Variants in MAGT1 observed in about 807,000 individuals in gnomAD.
MAGT1 encodes magnesium transporter 1, also known as dolichyl-diphosphooligosaccharide--protein glycosyltransferase subunit MAGT1.
A neutral mutation model predicts 28.4 loss-of-function variants in MAGT1; 4 were observed. The ratio of observed to expected loss-of-function variants is 0.14; its 90% CI spans 0.07 to 0.32. The LOEUF (loss-of-function observed/expected upper bound fraction) is 0.32. Ranked by LOEUF, MAGT1 falls within the 10% of genes least tolerant of loss-of-function variation. MAGT1 has a pLI of 1.00. For synonymous variants in MAGT1, 89 were observed against 89.7 expected, an observed-to-expected ratio of 0.99 and a Z score of 0.04; for missense variants, 193 against 264.5, an observed-to-expected ratio of 0.73 and a Z score of 1.88.
At chrX:77,876,759 A>G (rs1254502398) in intron 1 of MAGT1, among the ~76,000 whole-genome samples, 1 of 111,963 alleles carries the variant, frequency 8.9e-6, no homozygotes, top group Non-Finnish European at 1.9e-5. Context: ...TCACGCCTGT[A>G]ATCCCAGCAC....
At chrX:77,870,390 C>CA (rs1165193919) in intron 3 of MAGT1, among the ~76,000 whole-genome samples, 3 of 109,144 alleles carry the variant, frequency 2.7e-5, no homozygotes, top group Non-Finnish European at 5.7e-5. Flanking sequence ...CCTGTTGCCC[C>CA]AAAACTATTG....
intron 7 of MAGT1, among the ~76,000 whole-genome samples, chrX:77,850,492 G>A (rs1361713315): frequency 4.6e-5 from 3 of 65,461 alleles, no homozygotes; most frequent in Non-Finnish European, 7.9e-5. Context: ...AAAGGGGGGG[G>A]GGGTGGGGAG....
intron 6 of MAGT1, 69 bp from the exon 7 acceptor site, chrX:77,854,033 C>T (rs2076975330): frequency 1.7e-5 from 14 of 816,409 alleles, no homozygotes; most frequent in East Asian, 3.1e-5. Flanking sequence ...AACCCTAAAA[C>T]GGGGTATTTT....
At chrX:77,852,564 C>G (rs1474774428) in intron 7 of MAGT1, among the ~76,000 whole-genome samples, 6 of 110,710 alleles carry the variant, frequency 5.4e-5, no homozygotes, top group Admixed American at 9.7e-5. Flanking sequence ...CTTTTGCAAT[C>G]AGAAAAAAAT....
intron 1 of MAGT1, among the ~76,000 whole-genome samples, chrX:77,882,480 G>A (rs181300106): frequency 1.8e-5 from 2 of 111,815 alleles, no homozygotes; most frequent in African/African-American, 6.5e-5. Context: ...TACATATTCT[G>A]TATGGGGCTG....
Position 77,867,184 on chromosome X carries a change from C to T in MAGT1, c.390+3624G>A, listed in dbSNP as rs1021018247. On this transcript the variant is annotated intron_variant, in intron 3 of 9. Coordinates refer to ENST00000618282, the MANE Select transcript of MAGT1 (RefSeq NM_001367916.1). ...TGATGAATTGGATCTGTTTAGGCAG[C>T]AGCAAAGTGAACCCCTTGGGCGGTT... Among the ~76,000 whole-genome samples, 16 of 67,015 alleles carry T rather than the reference C, an allele frequency of 2.4e-4. 4 individuals are homozygous for T. Among genetic ancestry groups the T allele is most frequent in the Non-Finnish European group, 6.1e-4 (15 of 24,754 alleles). The allele number at this position is 67,015 out of a possible 115,157, so 58.2% of individuals were successfully genotyped here.
intron 7 of MAGT1, among the ~76,000 whole-genome samples, chrX:77,845,000 G>C (rs1369931756): frequency 1.8e-5 from 2 of 110,969 alleles, no homozygotes; most frequent in African/African-American, 6.5e-5. Context: ...GGATATCCTT[G>C]TTAACCTTCT....
intron 7 of MAGT1, among the ~76,000 whole-genome samples, chrX:77,845,753 T>C (rs1215338658): frequency 3.6e-5 from 4 of 111,959 alleles, no homozygotes; most frequent in South Asian, 3.7e-4. Context: ...TTTAAGAATG[T>C]TGAATTTGGC....
intron 3 of MAGT1, among the ~76,000 whole-genome samples, chrX:77,861,321 G>A (rs1438587804): frequency 9.0e-6 from 1 of 111,169 alleles, no homozygotes; most frequent in Non-Finnish European, 1.9e-5. Flanking sequence ...AAACCACAAT[G>A]AGATACCACC....
In MAGT1 at chrX:77,830,830, A is replaced by C. The variant is rs781862038; in HGVS notation, c.967T>G (p.Ser323Ala). ...CTGTATGGGTAGCCATGATATTTAG[A>C]TCTAAAAATAGAGAGCATCCAACTG... ...FFSWMLSIFRSKYHGYPYSFL... is the reference protein window; with the variant it reads ...FFSWMLSIFRAKYHGYPYSFL... The change falls in exon 9 of 10, where the codon TCT (serine) becomes GCT (alanine). Residue 323 changes from serine to alanine, a missense_variant. Ser to Ala is a moderately conservative substitution (Grantham distance 99). Transcript: ENST00000618282. 2 of 1,155,621 alleles carry C rather than the reference A, an allele frequency of 1.7e-6. No homozygotes were observed. The highest frequency in any genetic ancestry group is 1.2e-6 in the Non-Finnish European group (1 of 857,573).
At chrX:77,892,428 C>T (rs1156577270) in intron 1 of MAGT1, among the ~76,000 whole-genome samples, 1 of 111,510 alleles carries the variant, frequency 9.0e-6, no homozygotes, top group Admixed American at 9.6e-5. Context: ...CTTTAGCAGC[C>T]TATATAAATT....
At chrX:77,846,079 G>A (rs886831822) in intron 7 of MAGT1, among the ~76,000 whole-genome samples, 13 of 111,832 alleles carry the variant, frequency 1.2e-4, no homozygotes, top group African/African-American at 3.6e-4. Context: ...CCAATCAGAC[G>A]TAGATTTGGT....
intron 3 of MAGT1, among the ~76,000 whole-genome samples, chrX:77,857,937 G>A (rs2076985399): frequency 9.0e-6 from 1 of 111,099 alleles, no homozygotes; most frequent in Non-Finnish European, 1.9e-5. Context: ...AATACAAAAT[G>A]GTGGCTATAT....
At chrX:77,868,733 T>A (rs1199822809) in intron 3 of MAGT1, 2 of 262,881 alleles carry the variant, frequency 7.6e-6, no homozygotes, top group Non-Finnish European at 1.4e-5. Flanking sequence ...GGCAGGAAAA[T>A]TGCTTGAACC....
chrX:77,851,364 CGT>C, intron 7 of MAGT1, among the ~76,000 whole-genome samples: 1 of 107,746 alleles, frequency 9.3e-6, no homozygotes, highest in Non-Finnish European at 1.9e-5. Context: ...TACAGGCGCC[CGT>C]CACCATGCCT....
intron 3 of MAGT1, among the ~76,000 whole-genome samples, chrX:77,865,707 A>C (rs2077007008): frequency 8.9e-6 from 1 of 112,240 alleles, no homozygotes; most frequent in Non-Finnish European, 1.9e-5. Context: ...ACAATACAAG[A>C]AAAGGAGTGA....
intron 3 of MAGT1, 68 bp from the exon 4 acceptor site, chrX:77,857,565 G>A: frequency 8.7e-7 from 1 of 1,143,799 alleles, no homozygotes; most frequent in African/African-American, 1.8e-5. Flanking sequence ...TTAACATCTT[G>A]AAATTTAGGC....
intron 8 of MAGT1, among the ~76,000 whole-genome samples, chrX:77,832,921 A>G (rs2076903391): frequency 9.1e-6 from 1 of 109,883 alleles, no homozygotes; most frequent in Non-Finnish European, 1.9e-5. Context: ...TCTAATTGTT[A>G]CACAATATGA....
At chrX:77,835,791 C>G (rs781934072) in intron 8 of MAGT1, among the ~76,000 whole-genome samples, 8 of 111,006 alleles carry the variant, frequency 7.2e-5, no homozygotes, top group African/African-American at 2.6e-4. Flanking sequence ...CTTGCAACAA[C>G]ATGGAACTGG....
Sources: gnomAD v4.1 joint callset for allele counts (sites outside exome capture counted in the v4.1 genomes callset) on GRCh38, gnomAD v4.1.1 for gene constraint, MANE v1.5 for transcripts, NCBI Gene and HGNC (gene_info 2026-07-23, HGNC 2026-07-21) for gene names.